RBM20: variants seen among roughly 807,000 people sequenced by gnomAD.
RBM20 encodes RNA-binding protein 20.
Under a neutral mutation model 110.1 loss-of-function variants are expected in RBM20, and 51 were observed. The observed-to-expected ratio is 0.46, with a 90% CI of 0.37 to 0.59. The LOEUF is 0.59. RBM20 is among the 20% of genes least tolerant of loss of function. RBM20 has a pLI of 0.00. For synonymous variants in RBM20, 589 were observed against 618.2 expected, an observed-to-expected ratio of 0.95 and a Z score of 0.70; for missense variants, 1,512 against 1,574.9, an observed-to-expected ratio of 0.96 and a Z score of 0.68.
chr10:110,767,697 C>T (rs1312886207), intron 1 of RBM20, among the ~76,000 whole-genome samples: 8 of 151,230 alleles, frequency 5.3e-5, no homozygotes, highest in East Asian at 4.0e-4. Context: ...GACGGGGTGG[C>T]GGGGCAAAGG....
In RBM20 at chr10:110,821,321, A is replaced by G; in HGVS notation, c.2702A>G (p.Tyr901Cys). Reference protein sequence around the residue: ...SESEAEGESWYPTNMEELVTV... With the variant: ...SESEAEGESWCPTNMEELVTV... The stretch of plus-strand genomic sequence containing the variant: ...AGTGAGGCAGAGGGGGAGAGCTGGT[A>G]TCCCACTAACATGGAGGAGCTGGTG... Residue 901 changes from tyrosine (Y) to cysteine (C), a missense_variant, in exon 11 of 14, where the codon TAT becomes TGT. This residue lies in a region of RBM20 where 1,149 missense variants were observed against 1,169.4 expected (regional missense o/e 0.98). Coordinates refer to ENST00000369519, the MANE Select transcript of RBM20 (RefSeq NM_001134363.3). The G allele has an allele frequency of 6.4e-7, 1 of 1,551,738 alleles. No individual in the cohort carries two copies. The highest frequency in any genetic ancestry group is 8.7e-7 in the Non-Finnish European group (1 of 1,146,946).
chr10:110,799,149 A>G (rs1844589391), intron 6 of RBM20, among the ~76,000 whole-genome samples: 1 of 152,194 alleles, frequency 6.6e-6, no homozygotes, highest in South Asian at 2.1e-4. Flanking sequence ...TAGAACTCAA[A>G]TAACCAAAGC....
intron 7 of RBM20, among the ~76,000 whole-genome samples, chr10:110,801,699 A>C (rs1351547689): frequency 4.7e-5 from 3 of 64,176 alleles, no homozygotes; most frequent in African/African-American, 7.5e-5. Flanking sequence ...ATGCCTGGCT[A>C]CTTTTTTTTT....
chr10:110,799,859 A>G lies in RBM20; in HGVS notation c.1741A>G (p.Ile581Val), dbSNP rs1369977043. 12 of 1,552,106 alleles carry G rather than the reference A, an allele frequency of 7.7e-6. No homozygotes were observed. Among genetic ancestry groups the G allele is most frequent in the Middle Eastern group, 1.7e-4 (1 of 5,998 alleles). The change falls in exon 7 of 14, where the codon ATC becomes GTC. Residue 581 changes from isoleucine (I) to valine (V), a missense_variant. Ile to Val is a conservative substitution (Grantham distance 29). Transcript: ENST00000369519. ...VQYYQEKSAV[I>V]NGEKLLIRMS... Reference sequence around the variant, plus strand: ...GTATTATCAAGAAAAATCTGCTGTGATCAATGGTGAGAAGTTGCTCATTCG... The same window carrying G: ...GTATTATCAAGAAAAATCTGCTGTGGTCAATGGTGAGAAGTTGCTCATTCG...
intron 1 of RBM20, among the ~76,000 whole-genome samples, chr10:110,670,313 C>G (rs1287510313): frequency 3.3e-5 from 5 of 152,180 alleles, no homozygotes; most frequent in African/African-American, 1.2e-4. Context: ...TGATCTAGCT[C>G]ACTCTTGTCT....
Position 110,644,518 on chromosome 10 carries a change from G to A in RBM20, c.64G>A (p.Val22Ile). Residue 22 changes from valine (V) to isoleucine (I), a missense_variant, in exon 1 of 14, where the codon GTT (valine) becomes ATT (isoleucine). By Grantham distance (29) the Val-to-Ile change is conservative (BLOSUM62 3). This residue lies in a region of RBM20 where 1,149 missense variants were observed against 1,169.4 expected (regional missense o/e 0.98). Transcript: ENST00000369519. This position sits in a 1 kb window ranked among gnomAD's most constrained non-coding sequence, Gnocchi z 4.3. ...CAGCGGTCCGGAGCAGCCGGACAGA[G>A]TTGCCTGCAGTGTGCCTGGTGCCCG... ...DPSGPEQPDR[V>I]ACSVPGARAS... The A allele has an allele frequency of 6.5e-7, 1 of 1,528,050 alleles. No individual in the cohort carries two copies. The allele number at this position is 1,528,050 out of a possible 1,614,324, so 94.7% of individuals were successfully genotyped here.
chr10:110,821,045 G>A (rs561292116), intron 10 of RBM20, among the ~76,000 whole-genome samples: 75 of 152,242 alleles, frequency 4.9e-4, no homozygotes, highest in African/African-American at 1.7e-3. Context: ...AATTCTTTGC[G>A]TCACTTTAAA....
At chr10:110,644,062 T>G (rs1031443354), upstream of RBM20, among the ~76,000 whole-genome samples, 6 of 152,250 alleles carry the variant, frequency 3.9e-5, no homozygotes, top group South Asian at 2.1e-4. This position sits in a 1 kb window ranked among gnomAD's most constrained non-coding sequence, Gnocchi z 4.3. Context: ...CGCGGTATGC[T>G]GCGCCGTGGA....
chr10:110,688,210 G>A (rs1862534152), intron 1 of RBM20, among the ~76,000 whole-genome samples: 1 of 152,110 alleles, frequency 6.6e-6, no homozygotes, highest in Non-Finnish European at 1.5e-5. Context: ...AAAACAGAGA[G>A]GTTTTTCTTA....
chr10:110,727,172 T>TC (rs1843570040), intron 1 of RBM20, among the ~76,000 whole-genome samples: 4 of 136,466 alleles, frequency 2.9e-5, no homozygotes, highest in African/African-American at 1.1e-4. Flanking sequence ...TTTTTTTTTT[T>TC]ACTATTAAGA....
chr10:110,738,333 G>A (rs1843692818), intron 1 of RBM20, among the ~76,000 whole-genome samples: 1 of 152,164 alleles, frequency 6.6e-6, no homozygotes, highest in Non-Finnish European at 1.5e-5. Context: ...TACAGGCTGG[G>A]GCAATTATAG....
In RBM20 at chr10:110,821,663, C is replaced by T. The variant is rs183770014; in HGVS notation, c.3044C>T (p.Thr1015Ile). Reference sequence around the variant, plus strand: ...GAGCGGAAGCCAGCTGAAAGTGAGACAGGCCTCTCCCTGGAGGATTCAGAT... The same window carrying T: ...GAGCGGAAGCCAGCTGAAAGTGAGATAGGCCTCTCCCTGGAGGATTCAGAT... The part of the protein sequence containing the change: ...DAERKPAESE[T>I]GLSLEDSDCY... Residue 1015 changes from threonine to isoleucine, a missense_variant, in exon 11 of 14, where the codon ACA becomes ATA. Thr to Ile is a moderately conservative substitution (Grantham distance 89). Around this residue, in one of 3 missense-constraint regions of RBM20, gnomAD observed 358 missense variants for 384.2 expected, o/e 0.93. Transcript: ENST00000369519. 1.5e-5 allele frequency: 23 copies of T among 1,551,798 alleles called. No homozygotes were observed. In the African/African-American group the frequency reaches 2.9e-4, roughly 19 times the overall value.
At chr10:110,793,958 A>G (rs1389201569) in intron 5 of RBM20, among the ~76,000 whole-genome samples, 3 of 152,214 alleles carry the variant, frequency 2.0e-5, no homozygotes, top group Non-Finnish European at 4.4e-5. Context: ...GGCTTATAAG[A>G]GAGCCCGGGT....
chr10:110,774,011 T>A (rs554621210), intron 1 of RBM20, among the ~76,000 whole-genome samples: 1 of 152,334 alleles, frequency 6.6e-6, no homozygotes, highest in African/African-American at 2.4e-5. Flanking sequence ...CTCCCTTTAA[T>A]GAACGTGTAA....
chr10:110,709,952 AC>A (rs894447078), intron 1 of RBM20, among the ~76,000 whole-genome samples: 1 of 151,788 alleles, frequency 6.6e-6, no homozygotes, highest in African/African-American at 2.4e-5. Context: ...TTTTTTTAAA[AC>A]CTTTGTCCCT....
chr10:110,761,413 G>T (rs1844001064), intron 1 of RBM20, among the ~76,000 whole-genome samples: 1 of 149,902 alleles, frequency 6.7e-6, no homozygotes, highest in Non-Finnish European at 1.5e-5. Context: ...ACTGGTTTTA[G>T]ATTTAACATT....
At chr10:110,643,688 T>G (rs1407950636), upstream of RBM20, among the ~76,000 whole-genome samples, 8 of 152,328 alleles carry the variant, frequency 5.3e-5, no homozygotes, top group East Asian at 1.5e-3. Flanking sequence ...ACCGGCTGCT[T>G]CCGGGGACAC....
chr10:110,838,310 TG>T lies in RBM20; in HGVS notation c.*2337del, dbSNP rs1357929069. Reference sequence around the variant, plus strand: ...AATTTTATCTTTTGAGAAGACCATATGGGGGCTGCTGAAAAGTTGGTATCTC... The same window carrying T: ...AATTTTATCTTTTGAGAAGACCATATGGGGCTGCTGAAAAGTTGGTATCTC... On this transcript the variant is annotated 3_prime_UTR_variant, in exon 14 of 14. Coordinates refer to ENST00000369519, the MANE Select transcript of RBM20 (RefSeq NM_001134363.3). The T allele has an allele frequency of 6.6e-6, 1 of 152,168 alleles. No individual in the cohort carries two copies. The highest frequency in any genetic ancestry group is 2.4e-5 in the African/African-American group (1 of 41,432). 9.4% of individuals were successfully genotyped at this position (152,168 alleles called of 1,614,324 possible).
chr10:110,750,895 G>T (rs551754941), intron 1 of RBM20, among the ~76,000 whole-genome samples: 1 of 152,202 alleles, frequency 6.6e-6, no homozygotes, highest in Non-Finnish European at 1.5e-5. Flanking sequence ...TTTAAGCAAG[G>T]TGGTCATTTG....
Sources: allele counts gnomAD v4.1 joint callset (sites outside exome capture counted in the v4.1 genomes callset), GRCh38; gene constraint gnomAD v4.1.1; regional missense constraint gnomAD v4.1.1; non-coding constraint Gnocchi (gnomAD v3.1); transcripts MANE v1.5; gene names NCBI Gene and HGNC (gene_info 2026-07-23, HGNC 2026-07-21).